Variants in RMND5A observed in about 807,000 individuals in gnomAD.
RMND5A encodes the protein required for meiotic nuclear division 5 homolog A.
RMND5A carries 17 observed loss-of-function variants against 49.7 expected under a neutral mutation model. The observed-to-expected ratio is 0.34, with a 90% CI of 0.23 to 0.51. The LOEUF (loss-of-function observed/expected upper bound fraction) is 0.51, where lower values mean the gene tolerates loss of function less well. Among genes scored for constraint, RMND5A ranks in the 20% least tolerant of loss-of-function variants. The pLI is 0.96. For missense variants in RMND5A, 255 were observed against 471.3 expected, an observed-to-expected ratio of 0.54 and a Z score of 4.25; for synonymous variants, 156 against 167.7, an observed-to-expected ratio of 0.93 and a Z score of 0.54.
intron 4 of RMND5A, among the ~76,000 whole-genome samples, chr2:86,762,378 C>T (rs983683195): frequency 2.0e-5 from 3 of 152,148 alleles, no homozygotes; most frequent in Non-Finnish European, 4.4e-5. Context: ...GGCATGGTGG[C>T]TCACGCCTGT....
At chr2:86,769,914 C>T in intron 6 of RMND5A, 109 bp from the exon 7 acceptor site, 3 of 729,894 alleles carry the variant, frequency 4.1e-6, no homozygotes, top group Non-Finnish European at 7.3e-6. Context: ...CTCACCCTGT[C>T]CAGTGGCCAG....
Position 86,756,061 on chromosome 2 carries a change from C to T in RMND5A, c.521+2503C>T, listed in dbSNP as rs112673100. ...TGAGAAATGCTTTACATAATAGTCC[C>T]CCAGTATTCTCATTTGAGGTTCATT... On this transcript the variant is annotated intron_variant, in intron 4 of 8. Coordinates refer to ENST00000283632, the MANE Select transcript of RMND5A (RefSeq NM_022780.4). Among the ~76,000 whole-genome samples the T allele has an allele frequency of 6.5e-3, 984 of 152,126 alleles. 8 individuals carry two copies. Among genetic ancestry groups the T allele is most frequent in the African/African-American group, 0.022 (927 of 41,498 alleles).
intron 4 of RMND5A, among the ~76,000 whole-genome samples, chr2:86,757,048 C>G (rs1177348396): frequency 6.6e-6 from 1 of 152,088 alleles, no homozygotes; most frequent in Non-Finnish European, 1.5e-5. Flanking sequence ...TGGCGCATGC[C>G]TGTAATCCCA....
rs879731811 is a variant in RMND5A, at chr2:86,765,806, C to T, written c.689-53C>T. On this transcript the variant is annotated intron_variant, in intron 5 of 8. Coordinates refer to ENST00000283632, the MANE Select transcript of RMND5A (RefSeq NM_022780.4). ...TATGGGTGGGGGTATTCTTGCTTTT[C>T]GCAGCTTATTACTGCAAGCAAACTA... 239 of 1,537,544 alleles carry T rather than the reference C, an allele frequency of 1.6e-4. 1 individual carries two copies. In the Admixed American group the frequency reaches 3.4e-3, roughly 22 times the overall value.
chr2:86,771,353 C>G, intron 7 of RMND5A: 1 of 467,446 alleles, frequency 2.1e-6, no homozygotes, highest in Non-Finnish European at 3.8e-6. Flanking sequence ...TACACTTTGT[C>G]AGCTTTCTTG....
At chr2:86,743,309 T>C (rs188466632) in intron 2 of RMND5A, among the ~76,000 whole-genome samples, 48 of 152,228 alleles carry the variant, frequency 3.2e-4, no homozygotes, top group African/African-American at 1.2e-3. Context: ...GGGGATGTGT[T>C]CATGGTAAAG....
intron 6 of RMND5A, among the ~76,000 whole-genome samples, chr2:86,768,347 A>G (rs761573803): frequency 6.6e-6 from 1 of 152,214 alleles, no homozygotes; most frequent in African/African-American, 2.4e-5. Context: ...TGTGTTGGAT[A>G]TGAAGATGAA....
chr2:86,727,632 A>G (rs1681292362), intron 1 of RMND5A, among the ~76,000 whole-genome samples: 1 of 78,598 alleles, frequency 1.3e-5, no homozygotes, highest in South Asian at 3.6e-4. Flanking sequence ...TAAGGCTTCC[A>G]AAATCTTTAA....
chr2:86,745,265 G>A (rs1437703192), intron 2 of RMND5A, among the ~76,000 whole-genome samples: 1 of 152,102 alleles, frequency 6.6e-6, no homozygotes, highest in Non-Finnish European at 1.5e-5. Flanking sequence ...ATTAAAAGCT[G>A]ACCACATACT....
intron 4 of RMND5A, among the ~76,000 whole-genome samples, chr2:86,760,110 T>C (rs1672425632): frequency 6.6e-6 from 1 of 151,992 alleles, no homozygotes; most frequent in Admixed American, 6.5e-5. Flanking sequence ...AATGGCGCAA[T>C]CTTGGCTCAC....
chr2:86,753,848 A>G (rs1245304896), intron 4 of RMND5A, among the ~76,000 whole-genome samples: 3 of 152,226 alleles, frequency 2.0e-5, no homozygotes, highest in South Asian at 2.1e-4. Context: ...TGACATTACA[A>G]CAAGCACTAT....
At chr2:86,749,900 T>A (rs1681604370) in intron 2 of RMND5A, among the ~76,000 whole-genome samples, 1 of 152,206 alleles carries the variant, frequency 6.6e-6, no homozygotes, top group Non-Finnish European at 1.5e-5. Context: ...AAAAATGTGC[T>A]TAATTTTGGA....
chr2:86,765,149 A>T lies in RMND5A; in HGVS notation c.644A>T (p.Gln215Leu). ...GGTTNQREAL[Q>L]YAKNFQPFAL... ...ACCACAAATCAGCGAGAGGCATTAC[A>T]ATATGCTAAAAATTTTCAGCCATTT... The change falls in exon 5 of 9, where the codon CAA becomes CTA. Residue 215 changes from glutamine to leucine, a missense_variant. By Grantham distance (113) the Gln-to-Leu change is moderately radical (BLOSUM62 -2). Transcript: ENST00000283632. 1 of 1,613,938 alleles carries T rather than the reference A, an allele frequency of 6.2e-7. No homozygotes were observed. The highest frequency in any genetic ancestry group is 8.5e-7 in the Non-Finnish European group (1 of 1,179,960).
chr2:86,762,602 G>T, intron 4 of RMND5A, among the ~76,000 whole-genome samples: 1 of 150,048 alleles, frequency 6.7e-6, no homozygotes. Flanking sequence ...CTGAGATCTT[G>T]CCACTGCACT....
intron 2 of RMND5A, among the ~76,000 whole-genome samples, chr2:86,743,419 T>C (rs1004666570): frequency 4.6e-5 from 7 of 152,000 alleles, no homozygotes; most frequent in African/African-American, 1.7e-4. Context: ...GTAATTCTTA[T>C]ACAGTTTCTT....
chr2:86,720,967 C>G (rs1407615362), intron 1 of RMND5A, 158 bp downstream of exon 1: 9 of 591,906 alleles, frequency 1.5e-5, no homozygotes, highest in Non-Finnish European at 1.9e-5. Context: ...TTTTTCCCCT[C>G]TTCGTCCGAT....
At chr2:86,759,992 CT>C (rs1420146748) in intron 4 of RMND5A, among the ~76,000 whole-genome samples, 1 of 152,066 alleles carries the variant, frequency 6.6e-6, no homozygotes, top group Non-Finnish European at 1.5e-5. Flanking sequence ...ACTTCTTTGT[CT>C]TTATAAAGTA....
chr2:86,761,667 T>A (rs1672491504), intron 4 of RMND5A, among the ~76,000 whole-genome samples: 1 of 152,176 alleles, frequency 6.6e-6, no homozygotes, highest in African/African-American at 2.4e-5. Flanking sequence ...TGTTTCAGAA[T>A]AGGATGCAAA....
chr2:86,766,570 A>G (rs1672598664), intron 6 of RMND5A, among the ~76,000 whole-genome samples: 1 of 151,348 alleles, frequency 6.6e-6, no homozygotes, highest in Non-Finnish European at 1.5e-5. Flanking sequence ...AAGCCGAGGC[A>G]GAAGAATCGC....
Sources: allele counts gnomAD v4.1 joint callset (sites outside exome capture counted in the v4.1 genomes callset), GRCh38; gene constraint gnomAD v4.1.1; transcripts MANE v1.5; gene names NCBI Gene and HGNC (gene_info 2026-07-23, HGNC 2026-07-21).